Variants in IFNLR1 observed in about 807,000 individuals in gnomAD.
IFNLR1 encodes CRF2-12.
In IFNLR1, 28 loss-of-function variants were observed where a neutral mutation model predicts 52.5. The ratio of observed to expected loss-of-function variants is 0.53; its 90% confidence interval spans 0.40 to 0.73. The LOEUF is 0.73. Ranked by LOEUF, IFNLR1 falls within the 30% of genes least tolerant of loss-of-function variation. The probability of loss-of-function intolerance (pLI) is 0.00; values close to 1 mark genes in which losing one functional copy is unlikely to be tolerated. For synonymous variants in IFNLR1, 276 were observed against 274.9 expected, an observed-to-expected ratio of 1.00 and a Z score of -0.04; for missense variants, 623 against 659.1, an observed-to-expected ratio of 0.95 and a Z score of 0.60.
intron 2 of IFNLR1, among the ~76,000 whole-genome samples, chr1:24,174,091 G>A (rs1421385550): frequency 1.3e-5 from 2 of 148,312 alleles, no homozygotes; most frequent in African/African-American, 2.7e-5. Flanking sequence ...CCCTAATCCA[G>A]TAGGACTGGT....
chr1:24,157,641 C>T lies in IFNLR1; in HGVS notation c.1052G>A (p.Gly351Glu). 6.2e-7 allele frequency: 1 copy of T among 1,607,644 alleles called. No individual in the cohort carries two copies. The highest frequency in any genetic ancestry group is 1.3e-5 in the African/African-American group (1 of 74,820). Residue 351 changes from glycine (G) to glutamate (E), a missense_variant, in exon 7 of 7, where the codon GGG (glycine) becomes GAG (glutamate). Physicochemically the swap from Gly to Glu is moderately conservative, Grantham distance 98. Transcript: ENST00000327535. This position sits in a 1 kb window ranked among gnomAD's most constrained non-coding sequence, Gnocchi z 5.1. ...GTGCCCTGGAGCCTGGTGCTCTTGCCCCAGGAAAGAAGGTGGTTCAATGTA... is the reference window on the plus strand; with the variant it reads ...GTGCCCTGGAGCCTGGTGCTCTTGCTCCAGGAAAGAAGGTGGTTCAATGTA... ...QPYIEPPSFL[G>E]QEHQAPGHSE...
At chr1:24,172,539 C>G (rs541694458) in intron 2 of IFNLR1, among the ~76,000 whole-genome samples, 10 of 151,920 alleles carry the variant, frequency 6.6e-5, no homozygotes, top group Non-Finnish European at 1.0e-4. Flanking sequence ...CAAATTAACA[C>G]AATAGATGAT....
At chr1:24,179,145 C>T (rs1314430787) in intron 2 of IFNLR1, among the ~76,000 whole-genome samples, 1 of 151,620 alleles carries the variant, frequency 6.6e-6, no homozygotes, top group Admixed American at 6.6e-5. Context: ...GACAGGGTTT[C>T]ACCATGTTAC....
intron 1 of IFNLR1, among the ~76,000 whole-genome samples, chr1:24,186,611 T>C (rs1352907841): frequency 2.0e-5 from 3 of 152,052 alleles, no homozygotes; most frequent in Non-Finnish European, 2.9e-5. Flanking sequence ...GGTGGTTGGG[T>C]CCTACGGCGA....
intron 2 of IFNLR1, among the ~76,000 whole-genome samples, chr1:24,170,041 C>T (rs1644563336): frequency 6.6e-6 from 1 of 152,200 alleles, no homozygotes; most frequent in Non-Finnish European, 1.5e-5. Flanking sequence ...GTCCATGACT[C>T]CAACCTGGAT....
In IFNLR1 at chr1:24,157,451, T is replaced by G. The variant is rs1644393312; in HGVS notation, c.1242A>C (p.Gln414His). Reference sequence around the variant, plus strand: ...CTTGGTGCCCATCCCCACCCGGCCCTTGGCCTGGCCCCTTCTCAGCCAAAT... The same window carrying G: ...CTTGGTGCCCATCCCCACCCGGCCCGTGGCCTGGCCCCTTCTCAGCCAAAT... ...SGYLAEKGPGQGPGGDGHQES... is the reference protein window; with the variant it reads ...SGYLAEKGPGHGPGGDGHQES... The change falls in exon 7 of 7, where the codon CAA becomes CAC. Residue 414 changes from glutamine to histidine, a missense_variant. Coordinates refer to ENST00000327535, the MANE Select transcript of IFNLR1 (RefSeq NM_170743.4). The surrounding 1 kb of genome is among the most constrained non-coding windows in gnomAD (Gnocchi z 5.1). The G allele has an allele frequency of 3.1e-6, 5 of 1,614,006 alleles. No individual in the cohort carries two copies. Among genetic ancestry groups the G allele is most frequent in the Admixed American group, 1.7e-5 (1 of 60,006 alleles).
intron 3 of IFNLR1, among the ~76,000 whole-genome samples, chr1:24,162,875 CTTTCCT>C (rs1644474513): frequency 1.3e-5 from 1 of 75,642 alleles, no homozygotes; most frequent in Non-Finnish European, 2.6e-5. Flanking sequence ...TTCTTTCTTT[CTTTCCT>C]TCCTTCCTTC....
At chr1:24,175,954 A>AGTTTTGG (rs1202029210) in intron 2 of IFNLR1, among the ~76,000 whole-genome samples, 1 of 146,418 alleles carries the variant, frequency 6.8e-6, no homozygotes, top group East Asian at 2.0e-4. Context: ...AAAAAAAGAG[A>AGTTTTGG]GTTTTGGGGC....
At chr1:24,159,734 TTTG>T in intron 4 of IFNLR1, 101 bp from the exon 5 acceptor site, 1 of 1,049,664 alleles carries the variant, frequency 9.5e-7, no homozygotes, top group Non-Finnish European at 1.4e-6. Flanking sequence ...GTGTTTTTTT[TTTG>T]TTTTTTTTTT....
chr1:24,168,507 G>A (rs1644542419), intron 3 of IFNLR1, among the ~76,000 whole-genome samples: 1 of 151,868 alleles, frequency 6.6e-6, no homozygotes, highest in African/African-American at 2.4e-5. Context: ...GGTTACTAGC[G>A]GTATCAAGTT....
chr1:24,161,396 T>C (rs1644441314), intron 4 of IFNLR1, 146 bp downstream of exon 4: 1 of 852,268 alleles, frequency 1.2e-6, no homozygotes, highest in African/African-American at 1.7e-5. Context: ...TCAGATTTTA[T>C]TAGGGCTGAC....
Position 24,169,487 on chromosome 1 carries a change from G to T in IFNLR1, c.297C>A (p.Arg99=), listed in dbSNP as rs762984010. 4.3e-6 allele frequency: 7 copies of T among 1,614,060 alleles called. No homozygotes were observed. Among genetic ancestry groups the T allele is most frequent in the Non-Finnish European group, 5.9e-6 (7 of 1,180,040 alleles). ...KQDLYNKFKG[R]VRTVSPSSKS... Reference sequence around the variant, plus strand: ...TGGAGCTGGGAGAAACCGTCCGCACGCGTCCCTTGAACTTGTTGTACAGGT... The same window carrying T: ...TGGAGCTGGGAGAAACCGTCCGCACTCGTCCCTTGAACTTGTTGTACAGGT... The change falls in exon 3 of 7, where the codon CGC becomes CGA. Residue 99 remains arginine, a synonymous_variant. Transcript: ENST00000327535.
chr1:24,164,874 C>A (rs374718316), intron 3 of IFNLR1, among the ~76,000 whole-genome samples: 2 of 151,926 alleles, frequency 1.3e-5, no homozygotes, highest in Non-Finnish European at 2.9e-5. Context: ...GTGATCCTCC[C>A]ACCTCAGCCT....
At chr1:24,159,774 G>C in intron 4 of IFNLR1, 141 bp from the exon 5 acceptor site, 1 of 695,204 alleles carries the variant, frequency 1.4e-6, no homozygotes, top group Non-Finnish European at 2.3e-6. Context: ...GATAGGGTTT[G>C]GTTCTGTCAC....
chr1:24,168,360 G>C (rs1381804720), intron 3 of IFNLR1, among the ~76,000 whole-genome samples: 1 of 152,070 alleles, frequency 6.6e-6, no homozygotes, highest in Non-Finnish European at 1.5e-5. Flanking sequence ...AGAAGCCCGG[G>C]CAGCAAGTTA....
At position 24,155,562 on chromosome 1, in the gene IFNLR1, CTA is replaced by C. The variant is rs1454377912; in HGVS notation, c.*1566_*1567del. On this transcript the variant is annotated 3_prime_UTR_variant, in exon 7 of 7. Coordinates refer to ENST00000327535, the MANE Select transcript of IFNLR1 (RefSeq NM_170743.4). The stretch of plus-strand genomic sequence containing the variant: ...CTGCTCTGGTGAAAGTGGGAGGCTC[CTA>C]TAGCCCCATGGCGCCCCCTGCAACT... 1 of 152,254 alleles carries C rather than the reference CTA, an allele frequency of 6.6e-6. No individual in the cohort carries two copies. The highest frequency in any genetic ancestry group is 1.5e-5 in the Non-Finnish European group (1 of 68,074). 9.4% of individuals were successfully genotyped at this position (152,254 alleles called of 1,614,324 possible).
intron 2 of IFNLR1, among the ~76,000 whole-genome samples, chr1:24,170,717 G>A (rs1034004856): frequency 1.3e-4 from 20 of 152,206 alleles, no homozygotes; most frequent in African/African-American, 4.8e-4. Flanking sequence ...GTAGGGATGT[G>A]AGACAGGATG....
At chr1:24,181,237 A>G (rs1394120368) in intron 1 of IFNLR1, among the ~76,000 whole-genome samples, 1 of 152,212 alleles carries the variant, frequency 6.6e-6, no homozygotes, top group Non-Finnish European at 1.5e-5. Context: ...AAATGAATGA[A>G]TATTACAATA....
At chr1:24,180,500 C>T (rs1394416016) in intron 2 of IFNLR1, among the ~76,000 whole-genome samples, 1 of 152,102 alleles carries the variant, frequency 6.6e-6, no homozygotes, top group African/African-American at 2.4e-5. Context: ...AAGACTTACC[C>T]CCGCCCCGGC....
Sources: allele counts gnomAD v4.1 joint callset (sites outside exome capture counted in the v4.1 genomes callset), GRCh38; gene constraint gnomAD v4.1.1; non-coding constraint Gnocchi (gnomAD v3.1); transcripts MANE v1.5; gene names NCBI Gene and HGNC (gene_info 2026-07-23, HGNC 2026-07-21).